The following PRICKLE2 variants were observed in gnomAD, a reference collection of about 807,000 sequenced individuals.
The protein encoded by PRICKLE2 is prickle-like protein 2.
In PRICKLE2, 21 loss-of-function variants were observed where a neutral mutation model predicts 81.4. That is an observed-to-expected ratio of 0.26 (90% CI 0.18 to 0.37). The LOEUF (loss-of-function observed/expected upper bound fraction) is 0.37. PRICKLE2 is among the 10% of genes least tolerant of loss of function. The pLI, the probability that PRICKLE2 is intolerant of heterozygous loss-of-function variation, is 1.00. For missense variants in PRICKLE2, 940 were observed against 1,109.0 expected, an observed-to-expected ratio of 0.85 and a Z score of 2.16; for synonymous variants, 456 against 421.5, an observed-to-expected ratio of 1.08 and a Z score of -1.00.
rs565148792 is a variant in PRICKLE2, at chr3:64,094,262, T to C, written c.*4789A>G. 3.3e-5 allele frequency: 5 copies of C among 152,336 alleles called. No homozygotes were observed. The highest frequency in any genetic ancestry group is 1.2e-4 in the African/African-American group (5 of 41,572). 9.4% of individuals were successfully genotyped at this position (152,336 alleles called of 1,614,324 possible). ...TAAGTCAGGGTCTATGACAGAATCA[T>C]GACACTTTATGGAAAGATATGAAAA... On this transcript the variant is annotated 3_prime_UTR_variant, in exon 8 of 8. Transcript: ENST00000638394.
At chr3:64,129,010 A>G (rs2077158858) in intron 7 of PRICKLE2, among the ~76,000 whole-genome samples, 1 of 152,066 alleles carries the variant, frequency 6.6e-6, no homozygotes, top group Admixed American at 6.6e-5. Flanking sequence ...GTTTAGCAGC[A>G]TCCTTGGCCT....
intron 1 of PRICKLE2, among the ~76,000 whole-genome samples, chr3:64,221,926 G>A (rs1004344281): frequency 3.3e-5 from 5 of 152,080 alleles, no homozygotes; most frequent in African/African-American, 7.2e-5. Context: ...CGGGTACCAC[G>A]GTTTGTCATC....
At chr3:64,245,928 A>C (rs1276078621) in intron 2 of PRICKLE2, among the ~76,000 whole-genome samples, 1 of 152,110 alleles carries the variant, frequency 6.6e-6, no homozygotes, top group Non-Finnish European at 1.5e-5. Flanking sequence ...GACTTTTCCT[A>C]TCGGTTTGAG....
intron 2 of PRICKLE2, among the ~76,000 whole-genome samples, chr3:64,172,896 A>G (rs2077957073): frequency 6.6e-6 from 1 of 152,196 alleles, no homozygotes; most frequent in Non-Finnish European, 1.5e-5. Flanking sequence ...AGCCAGGAAG[A>G]AAAGCCTCAC....
intron 2 of PRICKLE2, among the ~76,000 whole-genome samples, chr3:64,175,841 T>A (rs1453363004): frequency 6.6e-6 from 1 of 152,204 alleles, no homozygotes; most frequent in Non-Finnish European, 1.5e-5. Context: ...TCAGATTAGT[T>A]TTATTATTAT....
chr3:64,182,171 A>C (rs917452528), intron 2 of PRICKLE2, among the ~76,000 whole-genome samples: 1 of 152,134 alleles, frequency 6.6e-6, no homozygotes, highest in African/African-American at 2.4e-5. Context: ...TGCTTGGAAT[A>C]GATTAATGCT....
chr3:64,261,992 G>C (rs1323108817), intron 2 of PRICKLE2, among the ~76,000 whole-genome samples: 1 of 152,168 alleles, frequency 6.6e-6, no homozygotes, highest in Non-Finnish European at 1.5e-5. Flanking sequence ...GACCTGTGGA[G>C]GTTTGAGATA....
chr3:64,176,209 A>C (rs1417811403), intron 2 of PRICKLE2, among the ~76,000 whole-genome samples: 1 of 152,190 alleles, frequency 6.6e-6, no homozygotes, highest in Non-Finnish European at 1.5e-5. Context: ...TTAGTAGGGC[A>C]TACTGCTGCC....
chr3:64,142,197 C>G (rs140075149), intron 7 of PRICKLE2, among the ~76,000 whole-genome samples: 1 of 152,224 alleles, frequency 6.6e-6, no homozygotes, highest in African/African-American at 2.4e-5. Flanking sequence ...ACTGTCATAT[C>G]TGACAGAACC....
At chr3:64,245,891 C>T (rs1041113998) in intron 2 of PRICKLE2, among the ~76,000 whole-genome samples, 2 of 152,148 alleles carry the variant, frequency 1.3e-5, no homozygotes, top group African/African-American at 2.4e-5. Context: ...AGATGGGGTT[C>T]TCTCTCATTA....
chr3:64,196,737 G>A (rs528340271), intron 2 of PRICKLE2, among the ~76,000 whole-genome samples: 13 of 152,146 alleles, frequency 8.5e-5, no homozygotes, highest in African/African-American at 2.9e-4. Context: ...TCACAAAACG[G>A]AAGTGCCTGT....
chr3:64,264,275 C>G (rs902348744), intron 2 of PRICKLE2, among the ~76,000 whole-genome samples: 5 of 152,134 alleles, frequency 3.3e-5, no homozygotes, highest in Admixed American at 6.5e-5. Context: ...GGCACCAACC[C>G]TCATAGGGTT....
rs1387573163 is a variant in PRICKLE2, at chr3:64,209,148, T to A, written c.-40-10181A>T. ...ATATCCATACATACATACACATCTA[T>A]CCACCTATCCACCCATCTATCGATC... On this transcript the variant is annotated intron_variant, in intron 1 of 7. Transcript: ENST00000638394. Among the ~76,000 whole-genome samples, 4 of 151,940 alleles carry A rather than the reference T, an allele frequency of 2.6e-5. No individual in the cohort carries two copies. In the East Asian group the frequency reaches 7.8e-4, roughly 29 times the overall value.
At chr3:64,163,391 A>G in intron 2 of PRICKLE2, 1 of 520,122 alleles carries the variant, frequency 1.9e-6, no homozygotes, top group Non-Finnish European at 3.5e-6. Flanking sequence ...TCCTAGAAAC[A>G]GAGAATTCAG....
chr3:64,100,202 C>T (rs1250975313), intron 7 of PRICKLE2: 4 of 499,610 alleles, frequency 8.0e-6, no homozygotes, highest in Non-Finnish European at 1.1e-5. Context: ...TTACTAAGAG[C>T]CCACTGTGTA....
intron 2 of PRICKLE2, among the ~76,000 whole-genome samples, chr3:64,180,028 G>A (rs2078100296): frequency 6.6e-6 from 1 of 152,206 alleles, no homozygotes; most frequent in South Asian, 2.1e-4. Flanking sequence ...ACAGGCCAGA[G>A]TGGCTGCTTA....
chr3:64,174,738 T>C (rs945060569), intron 2 of PRICKLE2: 1 of 210,382 alleles, frequency 4.8e-6, no homozygotes, highest in African/African-American at 2.3e-5. Flanking sequence ...TGATAAAGAA[T>C]GAATTTTACA....
upstream of PRICKLE2, among the ~76,000 whole-genome samples, chr3:64,228,886 G>A (rs975814471): frequency 5.9e-5 from 9 of 152,156 alleles, no homozygotes; most frequent in African/African-American, 2.2e-4. Context: ...AAAGGACAAG[G>A]AAGACAAAAT....
intron 1 of PRICKLE2, chr3:64,199,610 T>C (rs948291731): frequency 6.6e-6 from 1 of 152,588 alleles, no homozygotes; most frequent in African/African-American, 2.4e-5. Context: ...ATTTTCCCTA[T>C]GTTGGTGGGG....
Sources: gnomAD v4.1 joint callset for allele counts (sites outside exome capture counted in the v4.1 genomes callset) on GRCh38, gnomAD v4.1.1 for gene constraint, MANE v1.5 for transcripts, NCBI Gene and HGNC (gene_info 2026-07-23, HGNC 2026-07-21) for gene names.